GNB5: variants seen among roughly 807,000 people sequenced by gnomAD.
GNB5 encodes the protein guanine nucleotide-binding protein subunit beta-5.
GNB5 carries 37 observed loss-of-function variants against 55.3 expected under a neutral mutation model. The observed-to-expected ratio is 0.67, with a 90% CI of 0.51 to 0.88. The LOEUF is 0.88. Ranked by LOEUF, GNB5 falls within the 40% of genes least tolerant of loss-of-function variation. GNB5 has a pLI of 0.00. For synonymous variants in GNB5, 219 were observed against 198.5 expected (o/e 1.10, Z -0.87); for missense variants, 476 against 515.3 (o/e 0.92, Z 0.74).
intron 6 of GNB5, among the ~76,000 whole-genome samples, chr15:52,146,511 A>G (rs1361395969): frequency 6.6e-6 from 1 of 152,094 alleles, no homozygotes; most frequent in Middle Eastern, 3.2e-3. Flanking sequence ...TTCGTGTACC[A>G]CAATTCACTT....
Position 52,124,501 on chromosome 15 carries a change from C to G in GNB5, c.1148G>C (p.Cys383Ser), listed in dbSNP as rs1280632725. 1 of 1,614,014 alleles carries G rather than the reference C, an allele frequency of 6.2e-7. No homozygotes were observed. The highest frequency in any genetic ancestry group is 1.7e-5 in the Admixed American group (1 of 60,016). Residue 383 changes from cysteine to serine, a missense_variant, in exon 12 of 13, where the codon TGC becomes TCC. Transcript: ENST00000261837. ...GAGGGTATGATCCCATGATCCAGAG[C>G]AGAAAGCAGTCCCATCGGGGGAAAC... is the stretch of plus-strand genomic sequence containing the variant. ...LRVSPDGTAFCSGSWDHTLRV... is the reference protein window; with the variant it reads ...LRVSPDGTAFSSGSWDHTLRV...
chr15:52,146,569 G>C (rs2033981613), intron 6 of GNB5, among the ~76,000 whole-genome samples: 1 of 151,324 alleles, frequency 6.6e-6, no homozygotes, highest in Non-Finnish European at 1.5e-5. Context: ...TTCCTTTTCT[G>C]CTTTATTTTA....
intron 4 of GNB5, among the ~76,000 whole-genome samples, chr15:52,151,220 T>C (rs926666996): frequency 2.0e-4 from 30 of 152,154 alleles, no homozygotes; most frequent in Non-Finnish European, 1.3e-4. Context: ...CACACACCTG[T>C]ATCGTGGGGT....
At chr15:52,189,691 G>A (rs1241672884) in intron 1 of GNB5, among the ~76,000 whole-genome samples, 1 of 152,136 alleles carries the variant, frequency 6.6e-6, no homozygotes, top group Non-Finnish European at 1.5e-5. Context: ...ACCGACAAAT[G>A]AAAAACAAAA....
chr15:52,167,286 T>C (rs12910870), intron 3 of GNB5, among the ~76,000 whole-genome samples: 38,282 of 152,066 alleles, frequency 0.25, 5,410 homozygotes, highest in African/African-American at 0.36. Flanking sequence ...GAAACTATTC[T>C]AAACAATTGA....
At chr15:52,155,628 C>T (rs2034192557) in intron 3 of GNB5, among the ~76,000 whole-genome samples, 1 of 152,100 alleles carries the variant, frequency 6.6e-6, no homozygotes, top group African/African-American at 2.4e-5. Context: ...GCATGTTTAG[C>T]CTCCAGTTAT....
chr15:52,173,282 C>G (rs1450165678), intron 3 of GNB5, among the ~76,000 whole-genome samples: 3 of 152,146 alleles, frequency 2.0e-5, no homozygotes, highest in African/African-American at 7.2e-5. Flanking sequence ...TCCATGCTGC[C>G]CAGGCTGGTC....
chr15:52,146,269 C>A (rs1422105468), intron 6 of GNB5, among the ~76,000 whole-genome samples: 1 of 152,080 alleles, frequency 6.6e-6, no homozygotes, highest in Non-Finnish European at 1.5e-5. Flanking sequence ...TAATATGCCT[C>A]TTTTTAAAAA....
At chr15:52,140,074 T>A in intron 7 of GNB5, 1 of 710,006 alleles carries the variant, frequency 1.4e-6, no homozygotes, top group Non-Finnish European at 1.9e-6. Context: ...ATAATAGGTG[T>A]AAACAACAGG....
chr15:52,144,891 G>A (rs543953431), intron 6 of GNB5, among the ~76,000 whole-genome samples: 3 of 152,220 alleles, frequency 2.0e-5, no homozygotes, highest in Non-Finnish European at 2.9e-5. Flanking sequence ...ACGATGACTC[G>A]CAGCTCCATG....
At chr15:52,140,493 T>C (rs914399257) in intron 7 of GNB5, among the ~76,000 whole-genome samples, 3 of 152,176 alleles carry the variant, frequency 2.0e-5, no homozygotes, top group Non-Finnish European at 4.4e-5. Context: ...TGTCCAACCA[T>C]TATTGGTTTT....
intron 6 of GNB5, 137 bp from the exon 7 acceptor site, chr15:52,141,409 T>A: frequency 3.0e-6 from 2 of 664,110 alleles, no homozygotes; most frequent in East Asian, 5.8e-5. Flanking sequence ...AACTTTTACT[T>A]TGAAGATTTT....
At position 52,118,258 on chromosome 15, in the gene GNB5, C is replaced by G. The variant is rs571499449; in HGVS notation, c.*4499G>C. Reference sequence around the variant, plus strand: ...GGGGCTGGAAAAGGGCTCATTAGCCCAGATCAGCTGTTCTCAAAGCAAGAT... The same window carrying G: ...GGGGCTGGAAAAGGGCTCATTAGCCGAGATCAGCTGTTCTCAAAGCAAGAT... On this transcript the variant is annotated 3_prime_UTR_variant, in exon 13 of 13. Coordinates refer to ENST00000261837, the MANE Select transcript of GNB5 (RefSeq NM_016194.4). The G allele has an allele frequency of 6.6e-6, 1 of 152,312 alleles. No homozygotes were observed. Among genetic ancestry groups the G allele is most frequent in the East Asian group, 1.9e-4 (1 of 5,178 alleles). The allele number at this position is 152,312 out of a possible 1,614,324, so 9.4% of individuals were successfully genotyped here. A position where few individuals can be genotyped will look rare whatever the true frequency, so the allele number is the denominator to read the frequency against.
chr15:52,134,342 A>C (rs1361810355), intron 8 of GNB5, among the ~76,000 whole-genome samples: 1 of 152,206 alleles, frequency 6.6e-6, no homozygotes, highest in African/African-American at 2.4e-5. Flanking sequence ...GTTGGTTTCA[A>C]CTTGGAGCAG....
intron 3 of GNB5, among the ~76,000 whole-genome samples, chr15:52,156,082 G>A (rs1002862326): frequency 2.2e-4 from 33 of 152,098 alleles, no homozygotes; most frequent in Non-Finnish European, 4.4e-5. Context: ...GAGGAGTTCT[G>A]CCTCCTCTCC....
At chr15:52,139,812 C>T (rs1355447045) in intron 7 of GNB5, 9 of 1,253,748 alleles carry the variant, frequency 7.2e-6, no homozygotes, top group Middle Eastern at 6.7e-4. Context: ...CACTTTCTCA[C>T]CTACTGGTGC....
rs567073312 is a variant in GNB5, at chr15:52,128,453, G to A, written c.864-209C>T. 1.7e-3 allele frequency: 1,039 copies of A among 618,184 alleles called. 1 individual carries two copies. The highest frequency in any genetic ancestry group is 2.3e-3 in the Non-Finnish European group (778 of 344,370). The allele number at this position is 618,184 out of a possible 1,614,324, so 38.3% of individuals were successfully genotyped here. On this transcript the variant is annotated intron_variant, in intron 9 of 12. Transcript: ENST00000261837. ...GGGGGACAGTGACACTGGCCTTGCA[G>A]AGTGAGATAATATGTGTTGATATCA...
rs1596045547 is a variant in GNB5, at chr15:52,120,654, T to G, written c.*2103A>C. On this transcript the variant is annotated 3_prime_UTR_variant, in exon 13 of 13. Coordinates refer to ENST00000261837, the MANE Select transcript of GNB5 (RefSeq NM_016194.4). ...AAAAAATGGCTGTGGGAGAGAGGGT[T>G]GGGGATGCCACCACAAGGAGGCCAG... The G allele has an allele frequency of 6.7e-6, 1 of 149,334 alleles. No homozygotes were observed. The highest frequency in any genetic ancestry group is 1.5e-5 in the Non-Finnish European group (1 of 67,746). The allele number at this position is 149,334 out of a possible 1,614,324, so 9.3% of individuals were successfully genotyped here. A position where few individuals can be genotyped will look rare whatever the true frequency, so the allele number is the denominator to read the frequency against.
chr15:52,127,123 T>G (rs1166767075), intron 10 of GNB5, among the ~76,000 whole-genome samples: 1 of 152,134 alleles, frequency 6.6e-6, no homozygotes, highest in Admixed American at 6.5e-5. Context: ...AAGCTCTTGA[T>G]TCATATGGCA....
Sources: allele counts gnomAD v4.1 joint callset (sites outside exome capture counted in the v4.1 genomes callset), GRCh38; gene constraint gnomAD v4.1.1; transcripts MANE v1.5; gene names NCBI Gene and HGNC (gene_info 2026-07-23, HGNC 2026-07-21).